The following U2SURP variants were observed in gnomAD, a reference collection of about 807,000 sequenced individuals.
U2SURP encodes the protein U2 snRNP associated SURP domain containing, also known as U2 snRNP-associated SURP motif-containing protein.
A neutral mutation model predicts 144.9 loss-of-function variants in U2SURP; 9 were observed. The ratio of observed to expected loss-of-function variants is 0.06; its 90% CI spans 0.04 to 0.11. The LOEUF (loss-of-function observed/expected upper bound fraction) is 0.11. Among genes scored for constraint, U2SURP ranks in the 10% least tolerant of loss-of-function variants. The pLI is 1.00. For synonymous variants in U2SURP, 408 were observed against 396.8 expected, an observed-to-expected ratio of 1.03 and a Z score of -0.33; for missense variants, 724 against 1,226.7, an observed-to-expected ratio of 0.59 and a Z score of 6.12.
intron 20 of U2SURP, among the ~76,000 whole-genome samples, chr3:143,036,341 A>G (rs954126974): frequency 6.6e-6 from 1 of 151,076 alleles, no homozygotes; most frequent in South Asian, 2.1e-4. Context: ...ATTTAATGAT[A>G]TAAGAGTTAT....
At position 143,053,637 on chromosome 3, in the gene U2SURP, A is replaced by ATTT. The variant is rs756465839; in HGVS notation, c.2656-36_2656-34dup. The ATTT allele has an allele frequency of 1.3e-4, 153 of 1,162,104 alleles. No individual in the cohort carries two copies. The African/African-American group carries it at 2.0e-3, about 15-fold the overall frequency. 72.0% of individuals were successfully genotyped at this position (1,162,104 alleles called of 1,614,324 possible). On this transcript the variant is annotated intron_variant, in intron 25 of 27. Coordinates refer to ENST00000473835, the MANE Select transcript of U2SURP (RefSeq NM_001080415.2). ...ATAAATGAGATTAACCCACATTGATATTTTTAAACAACTTAATATTTTCTA... is the reference window on the plus strand; with the variant it reads ...ATAAATGAGATTAACCCACATTGATATTTTTTTTAAACAACTTAATATTTTCTA...
intron 18 of U2SURP, 122 bp downstream of exon 18, chr3:143,033,472 T>G: frequency 1.7e-6 from 1 of 571,802 alleles, no homozygotes; most frequent in South Asian, 2.3e-5. Context: ...CCTCCATGTC[T>G]GTGGGTTCCT....
At chr3:143,050,693 A>T (rs909041819) in intron 24 of U2SURP, among the ~76,000 whole-genome samples, 1 of 152,180 alleles carries the variant, frequency 6.6e-6, no homozygotes. Flanking sequence ...TGTTGAGAGA[A>T]TAAGTGAGTT....
At chr3:143,012,432 C>A in intron 3 of U2SURP, 79 bp downstream of exon 3, 2 of 1,337,250 alleles carry the variant, frequency 1.5e-6, no homozygotes, top group South Asian at 2.0e-5. Context: ...ATTTAGTGGT[C>A]GAATATTTGG....
rs934751959 is a variant in U2SURP at position 143,057,415 on chromosome 3, A to G, written c.*965A>G. 41 of 145,304 alleles carry G rather than the reference A, an allele frequency of 2.8e-4. No homozygotes were observed. Among genetic ancestry groups the G allele is most frequent in the African/African-American group, 1.0e-3 (40 of 39,406 alleles). 9.0% of individuals were successfully genotyped at this position (145,304 alleles called of 1,614,324 possible). On this transcript the variant is annotated 3_prime_UTR_variant, in exon 28 of 28. Transcript: ENST00000473835. Reference sequence around the variant, plus strand: ...CTTAGTTGGTCCCCCCCCACTCCCAAGAGACTTGGGTTTAGTTATAGCTTT... The same window carrying G: ...CTTAGTTGGTCCCCCCCCACTCCCAGGAGACTTGGGTTTAGTTATAGCTTT...
chr3:143,037,022 T>G, intron 20 of U2SURP, 157 bp from the exon 21 acceptor site: 1 of 700,324 alleles, frequency 1.4e-6, no homozygotes, highest in Non-Finnish European at 2.3e-6. Context: ...AACTGACTGC[T>G]TCTTTAGCAA....
Position 143,028,520 on chromosome 3 carries a change from G to T in U2SURP, c.1484G>T (p.Arg495Leu). ...ACTAAATGGCGGACGGAAGATTTTC[G>T]TATGTTCAAAAATGGATCTTTTTGG... is the stretch of plus-strand genomic sequence containing the variant. ...SPTKWRTEDF[R>L]MFKNGSFWRP... is the part of the protein sequence containing the mutation. Residue 495 changes from arginine to leucine, a missense_variant, in exon 16 of 28, where the codon CGT becomes CTT. Around this residue, in one of 13 missense-constraint regions of U2SURP, gnomAD observed 66 missense variants for 95.0 expected, o/e 0.69. Coordinates refer to ENST00000473835, the MANE Select transcript of U2SURP (RefSeq NM_001080415.2). 6.3e-7 allele frequency: 1 copy of T among 1,594,214 alleles called. No homozygotes were observed. The highest frequency in any genetic ancestry group is 8.5e-7 in the Non-Finnish European group (1 of 1,174,586).
At chr3:143,027,304 T>G in intron 14 of U2SURP, 51 bp downstream of exon 14, 3 of 1,400,256 alleles carry the variant, frequency 2.1e-6, no homozygotes, top group Non-Finnish European at 3.0e-6. Flanking sequence ...AATTTCCCAT[T>G]TTAACTATTT....
intron 24 of U2SURP, 116 bp downstream of exon 24, chr3:143,043,392 A>C (rs1934223946): frequency 9.0e-7 from 1 of 1,110,472 alleles, no homozygotes. Flanking sequence ...CTCTGCTTAG[A>C]ACTCTTCATA....
chr3:143,048,709 C>T (rs1578170437), intron 24 of U2SURP, among the ~76,000 whole-genome samples: 1 of 152,006 alleles, frequency 6.6e-6, no homozygotes, highest in African/African-American at 2.4e-5. Flanking sequence ...ACCAGCCTGG[C>T]CAACATGGTG....
intron 24 of U2SURP, among the ~76,000 whole-genome samples, chr3:143,046,062 T>A (rs1464627443): frequency 1.3e-5 from 2 of 152,090 alleles, no homozygotes; most frequent in African/African-American, 4.8e-5. Context: ...AATCAGTTTC[T>A]CCAATTAGTT....
chr3:143,045,507 A>C (rs1363178592), intron 24 of U2SURP, among the ~76,000 whole-genome samples: 3 of 152,100 alleles, frequency 2.0e-5, no homozygotes, highest in African/African-American at 7.2e-5. Flanking sequence ...CCAACTGTTT[A>C]GTATGTTCTG....
chr3:143,042,446 AT>A (rs956511431), intron 23 of U2SURP, among the ~76,000 whole-genome samples: 1 of 151,618 alleles, frequency 6.6e-6, no homozygotes, highest in African/African-American at 2.4e-5. Flanking sequence ...TTTATTTTTA[AT>A]TTTTTTTAAT....
intron 20 of U2SURP, chr3:143,036,860 G>T: frequency 3.3e-6 from 1 of 306,608 alleles, no homozygotes; most frequent in East Asian, 6.8e-5. Flanking sequence ...TTGTTGTGAT[G>T]ATCTGATTTC....
intron 16 of U2SURP, among the ~76,000 whole-genome samples, chr3:143,030,547 CAA>C (rs1933419739): frequency 6.6e-6 from 1 of 152,156 alleles, no homozygotes; most frequent in African/African-American, 2.4e-5. Flanking sequence ...TGGAGATGTG[CAA>C]AGAGATTAAG....
intron 22 of U2SURP, 119 bp downstream of exon 22, chr3:143,038,322 G>C (rs1040970461): frequency 2.8e-6 from 2 of 715,940 alleles, no homozygotes; most frequent in African/African-American, 3.7e-5. Flanking sequence ...AATGCTCAAT[G>C]TTGTCATATT....
At chr3:143,053,826 C>G (rs1935010380) in intron 26 of U2SURP, 32 bp downstream of exon 26, 2 of 1,512,914 alleles carry the variant, frequency 1.3e-6, no homozygotes, top group Non-Finnish European at 1.8e-6. Context: ...ATTGCATATA[C>G]TGGTTTCAAG....
At chr3:143,046,320 T>A (rs1456378634) in intron 24 of U2SURP, among the ~76,000 whole-genome samples, 5 of 147,466 alleles carry the variant, frequency 3.4e-5, no homozygotes, top group African/African-American at 7.4e-5. Flanking sequence ...TTTATTTTTT[T>A]ATTTTTTATT....
Position 143,011,249 on chromosome 3 carries a change from A to G in U2SURP, c.90+390A>G, listed in dbSNP as rs138359099. Among the ~76,000 whole-genome samples the G allele has an allele frequency of 5.5e-4, 84 of 152,186 alleles. 1 individual carries two copies. The highest frequency in any genetic ancestry group is 3.4e-3 in the Middle Eastern group (1 of 294). Reference sequence around the variant, plus strand: ...ATCTGTTCTTTCTTAAGGCATCATAATGTTCTGTGGTGGGGAAGTGCAGTT... The same window carrying G: ...ATCTGTTCTTTCTTAAGGCATCATAGTGTTCTGTGGTGGGGAAGTGCAGTT... On this transcript the variant is annotated intron_variant, in intron 2 of 27. Transcript: ENST00000473835.
Sources: allele counts gnomAD v4.1 joint callset (sites outside exome capture counted in the v4.1 genomes callset), GRCh38; gene constraint gnomAD v4.1.1; regional missense constraint gnomAD v4.1.1; transcripts MANE v1.5; gene names NCBI Gene and HGNC (gene_info 2026-07-23, HGNC 2026-07-21).